The following LRP1B variants were observed in gnomAD, a reference collection of about 807,000 sequenced individuals.
LRP1B encodes low-density lipoprotein receptor-related protein 1B.
Under a neutral mutation model 556.6 loss-of-function variants are expected in LRP1B, and 217 were observed. That is an observed-to-expected ratio of 0.39 (90% CI 0.35 to 0.44). The LOEUF (loss-of-function observed/expected upper bound fraction) is 0.44. LRP1B is among the 20% of genes least tolerant of loss of function. LRP1B has a pLI of 1.00. For synonymous variants in LRP1B, 2,047 were observed against 1,865.8 expected, an observed-to-expected ratio of 1.10 and a Z score of -2.50; for missense variants, 5,053 against 5,620.8, an observed-to-expected ratio of 0.90 and a Z score of 3.23.
chr2:140,978,706 T>C (rs961439127), intron 18 of LRP1B, among the ~76,000 whole-genome samples: 3 of 152,232 alleles, frequency 2.0e-5, no homozygotes, highest in African/African-American at 7.2e-5. Context: ...TACTAGACTT[T>C]GTCAGCTTCT....
chr2:141,079,535 G>A (rs1375128836), intron 7 of LRP1B, among the ~76,000 whole-genome samples: 3 of 152,146 alleles, frequency 2.0e-5, no homozygotes, highest in Non-Finnish European at 4.4e-5. Flanking sequence ...TTATATTTGA[G>A]CACACTATAA....
chr2:140,578,040 T>C (rs888184973), intron 43 of LRP1B, among the ~76,000 whole-genome samples: 6 of 152,206 alleles, frequency 3.9e-5, no homozygotes, highest in Non-Finnish European at 7.3e-5. Context: ...AATAAAAATA[T>C]AAAGTCACAT....
intron 1 of LRP1B, among the ~76,000 whole-genome samples, chr2:141,929,921 A>C (rs1700444235): frequency 6.7e-5 from 10 of 149,564 alleles, no homozygotes; most frequent in African/African-American, 2.2e-4. Context: ...ACAAAAAAAA[A>C]AAAAAAAAAA....
At chr2:141,382,974 G>T (rs1447274369) in intron 3 of LRP1B, among the ~76,000 whole-genome samples, 1 of 152,138 alleles carries the variant, frequency 6.6e-6, no homozygotes, top group Non-Finnish European at 1.5e-5. Context: ...TGCAAACCTT[G>T]CTTCCGATAG....
At chr2:140,380,928 G>A (rs1683444463) in intron 67 of LRP1B, among the ~76,000 whole-genome samples, 1 of 152,168 alleles carries the variant, frequency 6.6e-6, no homozygotes, top group African/African-American at 2.4e-5. Context: ...TAGAGAGGCT[G>A]AGAGATTTGC....
intron 27 of LRP1B, among the ~76,000 whole-genome samples, chr2:140,852,754 A>G (rs953184724): frequency 6.6e-5 from 10 of 152,214 alleles, no homozygotes; most frequent in Non-Finnish European, 1.0e-4. Context: ...AGAACAGAAT[A>G]TTAAATTTTG....
chr2:141,340,593 T>G (rs1402473), intron 3 of LRP1B, among the ~76,000 whole-genome samples: 1 of 151,952 alleles, frequency 6.6e-6, no homozygotes, highest in African/African-American at 2.4e-5. Flanking sequence ...AGGTTTCATG[T>G]AGTACTTCAC....
At chr2:141,170,668 A>G (rs908459856) in intron 7 of LRP1B, among the ~76,000 whole-genome samples, 1 of 152,094 alleles carries the variant, frequency 6.6e-6, no homozygotes, top group African/African-American at 2.4e-5. Flanking sequence ...TAAGGTATGC[A>G]TTCAGGGAAA....
intron 63 of LRP1B, among the ~76,000 whole-genome samples, chr2:140,446,981 AC>A (rs1686686810): frequency 6.6e-6 from 1 of 151,084 alleles, no homozygotes; most frequent in African/African-American, 2.4e-5. Flanking sequence ...AGAAAAAAAA[AC>A]TCACTGAAAA....
intron 3 of LRP1B, among the ~76,000 whole-genome samples, chr2:141,414,340 A>T (rs1322540370): frequency 6.9e-6 from 1 of 145,394 alleles, no homozygotes; most frequent in African/African-American, 2.5e-5. Context: ...AGAAAGAGAG[A>T]GAGAGAGGAA....
intron 59 of LRP1B, among the ~76,000 whole-genome samples, chr2:140,477,966 C>T (rs976794242): frequency 6.6e-6 from 1 of 151,872 alleles, no homozygotes. Context: ...AAATTTTTTA[C>T]TATGGAAGTA....
intron 37 of LRP1B, among the ~76,000 whole-genome samples, chr2:140,711,077 C>T (rs1390497533): frequency 6.6e-6 from 1 of 151,940 alleles, no homozygotes; most frequent in Non-Finnish European, 1.5e-5. Context: ...CATTTATATC[C>T]AGAATAAAAG....
chr2:142,084,932 C>T (rs1705856975), intron 1 of LRP1B, among the ~76,000 whole-genome samples: 1 of 152,122 alleles, frequency 6.6e-6, no homozygotes. Context: ...AATGTTCCGC[C>T]TAGAGTGCAT....
chr2:141,139,978 G>A (rs753594670), intron 7 of LRP1B, among the ~76,000 whole-genome samples: 3 of 151,684 alleles, frequency 2.0e-5, no homozygotes, highest in Non-Finnish European at 2.9e-5. Context: ...AACAAACTGT[G>A]GTATATATGT....
chr2:141,835,488 T>C (rs974928406), intron 1 of LRP1B, among the ~76,000 whole-genome samples: 5 of 128,464 alleles, frequency 3.9e-5, no homozygotes, highest in African/African-American at 1.5e-4. Context: ...TGTCAGAAGG[T>C]GGTGGTGGGG....
rs1195619498 is a variant in LRP1B at position 141,185,993 on chromosome 2, C to T, written c.1013+2428G>A. Among the ~76,000 whole-genome samples, 6 of 135,996 alleles carry T rather than the reference C, an allele frequency of 4.4e-5. No individual in the cohort carries two copies. In the East Asian group the frequency reaches 1.3e-3, roughly 29 times the overall value. The allele number at this position is 135,996 out of a possible 152,430, so 89.2% of individuals were successfully genotyped here. A position where few individuals can be genotyped will look rare whatever the true frequency, so the allele number is the denominator to read the frequency against. Reference sequence around the variant, plus strand: ...ACTCAGGAGGCTGAGGCAGGAGAATCGCTTGAACCCTGGAGGCAGAGGTTG... The same window carrying T: ...ACTCAGGAGGCTGAGGCAGGAGAATTGCTTGAACCCTGGAGGCAGAGGTTG... On this transcript the variant is annotated intron_variant, in intron 7 of 90. Transcript: ENST00000389484.
chr2:141,201,135 A>G (rs1294185063), intron 6 of LRP1B, among the ~76,000 whole-genome samples: 1 of 152,202 alleles, frequency 6.6e-6, no homozygotes, highest in Non-Finnish European at 1.5e-5. Context: ...TGCAGGAATG[A>G]GTACCCAGGG....
At chr2:142,104,603 T>C (rs1398735393) in intron 1 of LRP1B, among the ~76,000 whole-genome samples, 1 of 152,140 alleles carries the variant, frequency 6.6e-6, no homozygotes, top group Admixed American at 6.6e-5. Flanking sequence ...TTTTTTGACA[T>C]TCTGCTTTGC....
intron 43 of LRP1B, among the ~76,000 whole-genome samples, chr2:140,567,564 C>T (rs11678976): frequency 0.13 from 19,109 of 152,186 alleles, 1,301 homozygotes; most frequent in East Asian, 0.23. Context: ...TCCTGGTTGT[C>T]TGAGCAATCA....
Sources: gnomAD v4.1 joint callset for allele counts (sites outside exome capture counted in the v4.1 genomes callset) on GRCh38, gnomAD v4.1.1 for gene constraint, MANE v1.5 for transcripts, NCBI Gene and HGNC (gene_info 2026-07-23, HGNC 2026-07-21) for gene names.